KIF26B: variants seen among roughly 807,000 people sequenced by gnomAD.
The protein encoded by KIF26B is kinesin family member 26B.
A neutral mutation model predicts 151.2 loss-of-function variants in KIF26B; 63 were observed. The ratio of observed to expected loss-of-function variants is 0.42; its 90% confidence interval spans 0.34 to 0.51. The LOEUF (loss-of-function observed/expected upper bound fraction) is 0.51, where lower values mean the gene tolerates loss of function less well. Ranked by LOEUF, KIF26B falls within the 20% of genes least tolerant of loss-of-function variation. The pLI is 0.07. For missense variants in KIF26B, 2,813 were observed against 2,913.6 expected, an observed-to-expected ratio of 0.97 and a Z score of 0.79; for synonymous variants, 1,357 against 1,262.1, an observed-to-expected ratio of 1.08 and a Z score of -1.59.
At chr1:245,661,473 A>G (rs1465546881) in intron 10 of KIF26B, among the ~76,000 whole-genome samples, 1 of 151,870 alleles carries the variant, frequency 6.6e-6, no homozygotes, top group East Asian at 1.9e-4. Context: ...TGATTTACAT[A>G]CACTCACATA....
intron 9 of KIF26B, among the ~76,000 whole-genome samples, chr1:245,627,412 A>G (rs1476112848): frequency 6.6e-6 from 1 of 152,152 alleles, no homozygotes; most frequent in African/African-American, 2.4e-5. Context: ...TCCTGGGTAA[A>G]TAACAAAATT....
intron 3 of KIF26B, among the ~76,000 whole-genome samples, chr1:245,410,199 G>C (rs1470383785): frequency 1.3e-5 from 2 of 152,110 alleles, no homozygotes; most frequent in Non-Finnish European, 2.9e-5. Context: ...TCTTCCTCCT[G>C]TAGGCCTGGG....
chr1:245,473,994 A>T (rs182001430), intron 4 of KIF26B, among the ~76,000 whole-genome samples: 18 of 151,946 alleles, frequency 1.2e-4, no homozygotes, highest in Admixed American at 2.6e-4. Context: ...ATTACCTTAA[A>T]TATTTCCCCT....
chr1:245,520,050 A>C (rs564023647), intron 4 of KIF26B, among the ~76,000 whole-genome samples: 37 of 151,634 alleles, frequency 2.4e-4, no homozygotes, highest in African/African-American at 7.5e-4. Context: ...AATTTTGAAA[A>C]ATATCTACAT....
At chr1:245,672,055 C>T (rs1267704724) in intron 10 of KIF26B, among the ~76,000 whole-genome samples, 1 of 152,158 alleles carries the variant, frequency 6.6e-6, no homozygotes, top group Non-Finnish European at 1.5e-5. Context: ...TTCCAGACTG[C>T]CAGTCAATGA....
chr1:245,220,557 C>T (rs1669746154), intron 2 of KIF26B, among the ~76,000 whole-genome samples: 1 of 152,106 alleles, frequency 6.6e-6, no homozygotes. Flanking sequence ...GTCAGGCACC[C>T]CGAAGGAGTA....
intron 3 of KIF26B, among the ~76,000 whole-genome samples, chr1:245,396,913 A>G (rs1016773437): frequency 2.6e-5 from 4 of 151,912 alleles, no homozygotes; most frequent in Non-Finnish European, 4.4e-5. Context: ...TTTGTTATCA[A>G]TCATAAGAAC....
At chr1:245,215,903 T>A (rs1265116694) in intron 2 of KIF26B, among the ~76,000 whole-genome samples, 1 of 152,124 alleles carries the variant, frequency 6.6e-6, no homozygotes, top group Non-Finnish European at 1.5e-5. Context: ...CTTTCAAGAT[T>A]ACATATTAAA....
At chr1:245,532,666 A>T (rs1661400262) in intron 4 of KIF26B, among the ~76,000 whole-genome samples, 1 of 152,136 alleles carries the variant, frequency 6.6e-6, no homozygotes, top group African/African-American at 2.4e-5. Context: ...TTTGAGGCTA[A>T]TGGCCACCAT....
In KIF26B at chr1:245,613,000, G is replaced by A. The variant is rs975756814; in HGVS notation, c.2098+1024G>A. 2.6e-5 allele frequency among the ~76,000 whole-genome samples: 4 copies of A among 152,162 alleles called. No homozygotes were observed. In the East Asian group the frequency reaches 7.7e-4, roughly 29 times the overall value. ...AGATCAGCTGAATGTCTCCAGTGGG[G>A]ATCTTGGACCAGGGGCAAAGTGGTC... On this transcript the variant is annotated intron_variant, in intron 9 of 14. Coordinates refer to ENST00000407071, the MANE Select transcript of KIF26B (RefSeq NM_018012.4).
chr1:245,259,487 G>A (rs12023946), intron 2 of KIF26B, among the ~76,000 whole-genome samples: 9,499 of 152,220 alleles, frequency 0.062, 328 homozygotes, highest in East Asian at 0.075. Context: ...AATAAGGCCG[G>A]AGGAAGTGAG....
intron 2 of KIF26B, among the ~76,000 whole-genome samples, chr1:245,263,113 AG>A (rs1670677426): frequency 6.6e-6 from 1 of 152,238 alleles, no homozygotes. Context: ...TCAGACTTAC[AG>A]GTCACTGCTT....
intron 2 of KIF26B, among the ~76,000 whole-genome samples, chr1:245,258,345 A>T (rs1670577666): frequency 1.3e-5 from 2 of 152,112 alleles, no homozygotes. Flanking sequence ...GCCCCGTGAG[A>T]TGTGAACTTC....
rs1356925559 is a variant in KIF26B, at chr1:245,686,817, C to T, written c.3834C>T (p.Ile1278=). 6.2e-7 allele frequency: 1 copy of T among 1,613,582 alleles called. No homozygotes were observed. Among genetic ancestry groups the T allele is most frequent in the Middle Eastern group, 1.6e-4 (1 of 6,062 alleles). The part of the protein sequence containing the change: ...AQDAGSRRSS[I]SSWLSEMSAG... ...ACGCAGGGAGCAGACGCTCTTCCAT[C>T]AGCTCCTGGCTGAGCGAGATGAGCG... Residue 1278 remains isoleucine, a synonymous_variant, in exon 12 of 15, where the codon ATC becomes ATT. Transcript: ENST00000407071. This position sits in a 1 kb window ranked among gnomAD's most constrained non-coding sequence, Gnocchi z 5.6.
rs989812983 is a variant in KIF26B at position 245,218,432 on chromosome 1, C to T, written c.465+61749C>T. 5.9e-5 allele frequency among the ~76,000 whole-genome samples: 9 copies of T among 152,156 alleles called. No individual in the cohort carries two copies. The highest frequency in any genetic ancestry group is 2.2e-4 in the African/African-American group (9 of 41,432). ...TCTTTCTTCTCCCTGTTTACCTGTC[C>T]ACCCATCTGAGAGATAAAAGAAGAG... On this transcript the variant is annotated intron_variant, in intron 2 of 14. Coordinates refer to ENST00000407071, the MANE Select transcript of KIF26B (RefSeq NM_018012.4). The surrounding 1 kb of genome is among the most constrained non-coding windows in gnomAD (Gnocchi z 4.1).
chr1:245,471,486 G>A (rs565001945), intron 4 of KIF26B, among the ~76,000 whole-genome samples: 1 of 152,060 alleles, frequency 6.6e-6, no homozygotes, highest in East Asian at 1.9e-4. Context: ...TAAAGATATA[G>A]AAGTTAAGAC....
intron 4 of KIF26B, among the ~76,000 whole-genome samples, chr1:245,480,099 C>CCAAACAAA (rs71563751): frequency 1.3e-5 from 2 of 150,590 alleles, no homozygotes; most frequent in South Asian, 2.1e-4. Flanking sequence ...CCCTGTCTCT[C>CCAAACAAA]CAAACAAACA....
intron 9 of KIF26B, among the ~76,000 whole-genome samples, chr1:245,629,089 A>G (rs1054764436): frequency 7.2e-5 from 11 of 152,236 alleles, no homozygotes; most frequent in Non-Finnish European, 1.3e-4. Flanking sequence ...TGCTCAAGGA[A>G]ATAAGAGAGG....
chr1:245,685,190 C>T (rs901750483), intron 11 of KIF26B, among the ~76,000 whole-genome samples: 3 of 152,256 alleles, frequency 2.0e-5, no homozygotes, highest in Non-Finnish European at 1.5e-5. Flanking sequence ...GTTTCCCCAG[C>T]GTGCCACACG....
Sources: allele counts gnomAD v4.1 joint callset (sites outside exome capture counted in the v4.1 genomes callset), GRCh38; gene constraint gnomAD v4.1.1; non-coding constraint Gnocchi (gnomAD v3.1); transcripts MANE v1.5; gene names NCBI Gene and HGNC (gene_info 2026-07-23, HGNC 2026-07-21).